Variants in ADAMTSL1 observed in about 807,000 individuals in gnomAD.
ADAMTSL1 encodes ADAMTS like 1, also known as ADAMTS-like protein 1.
In ADAMTSL1, 126 loss-of-function variants were observed where a neutral mutation model predicts 201.8. The ratio of observed to expected loss-of-function variants is 0.62; its 90% CI spans 0.54 to 0.72. ADAMTSL1 has a LOEUF of 0.72. Ranked by LOEUF, ADAMTSL1 falls within the 30% of genes least tolerant of loss-of-function variation. The pLI, the probability that ADAMTSL1 is intolerant of heterozygous loss-of-function variation, is 0.00. For synonymous variants in ADAMTSL1, 1,121 were observed against 903.4 expected, an observed-to-expected ratio of 1.24 and a Z score of -4.32; for missense variants, 2,679 against 2,277.8, an observed-to-expected ratio of 1.18 and a Z score of -3.59.
At chr9:18,273,324 G>T (rs564191211) in intron 2 of ADAMTSL1, among the ~76,000 whole-genome samples, 1 of 93,742 alleles carries the variant, frequency 1.1e-5, no homozygotes, top group Non-Finnish European at 2.7e-5. Flanking sequence ...CAAGTGATCC[G>T]CCCGCGTTGG....
chr9:18,729,626 G>T (rs1818095506), intron 15 of ADAMTSL1, among the ~76,000 whole-genome samples: 1 of 152,136 alleles, frequency 6.6e-6, no homozygotes, highest in Middle Eastern at 3.2e-3. Flanking sequence ...TCTTCCTTCA[G>T]TCTCCACTGA....
At chr9:18,564,372 G>C (rs746747703) in intron 3 of ADAMTSL1, among the ~76,000 whole-genome samples, 2 of 152,166 alleles carry the variant, frequency 1.3e-5, no homozygotes, top group South Asian at 4.2e-4. Context: ...TGAGATGACC[G>C]GGGTACCTCA....
chr9:18,729,881 A>T (rs1321365881), intron 15 of ADAMTSL1, among the ~76,000 whole-genome samples: 2 of 152,214 alleles, frequency 1.3e-5, no homozygotes, highest in Non-Finnish European at 2.9e-5. Flanking sequence ...TATCAACCTC[A>T]TTGTTCATAA....
chr9:18,492,288 A>T (rs1301416463), intron 1 of ADAMTSL1, among the ~76,000 whole-genome samples: 1 of 152,230 alleles, frequency 6.6e-6, no homozygotes, highest in African/African-American at 2.4e-5. Flanking sequence ...ACTGAAAAAC[A>T]TCAAATAAAG....
intron 8 of ADAMTSL1, among the ~76,000 whole-genome samples, chr9:18,658,606 A>G (rs140721887): frequency 1.0e-3 from 156 of 152,332 alleles, no homozygotes; most frequent in Non-Finnish European, 2.1e-3. Flanking sequence ...AAAAGTCACA[A>G]AATAAACTCC....
chr9:18,691,209 C>T (rs1450590580), intron 13 of ADAMTSL1, among the ~76,000 whole-genome samples: 3 of 152,138 alleles, frequency 2.0e-5, no homozygotes, highest in Non-Finnish European at 4.4e-5. Flanking sequence ...TAGCATATAT[C>T]AGAATTGCAT....
At chr9:18,657,283 T>C (rs1223773715) in intron 7 of ADAMTSL1, among the ~76,000 whole-genome samples, 1 of 152,252 alleles carries the variant, frequency 6.6e-6, no homozygotes, top group Non-Finnish European at 1.5e-5. Context: ...TATTTCTGAA[T>C]CTACATTTTA....
intron 10 of ADAMTSL1, among the ~76,000 whole-genome samples, chr9:18,678,148 T>C (rs368837754): frequency 2.2e-4 from 34 of 152,226 alleles, no homozygotes; most frequent in Admixed American, 2.0e-3. Flanking sequence ...AATTAATCTA[T>C]GCCACTCTTG....
chr9:18,018,585 T>G (rs753244254), intron 1 of ADAMTSL1, among the ~76,000 whole-genome samples: 5 of 152,006 alleles, frequency 3.3e-5, no homozygotes, highest in Non-Finnish European at 5.9e-5. Flanking sequence ...AACTGCAACT[T>G]AGAGATGCCC....
At chr9:18,828,670 A>ATATATATATATT (rs1824762888) in intron 22 of ADAMTSL1, among the ~76,000 whole-genome samples, 1 of 81,440 alleles carries the variant, frequency 1.2e-5, no homozygotes, top group Non-Finnish European at 2.3e-5. Flanking sequence ...TTATATATAT[A>ATATATATATATT]TATATATATA....
At chr9:18,121,011 T>A (rs1051484311) in intron 1 of ADAMTSL1, among the ~76,000 whole-genome samples, 4 of 152,182 alleles carry the variant, frequency 2.6e-5, no homozygotes, top group South Asian at 4.1e-4. Context: ...TTATTTATTT[T>A]TTTTCCCCTT....
intron 23 of ADAMTSL1, among the ~76,000 whole-genome samples, chr9:18,887,018 A>G (rs1828941551): frequency 1.3e-5 from 2 of 152,272 alleles, no homozygotes; most frequent in African/African-American, 4.8e-5. Flanking sequence ...AGGGGGAAAA[A>G]AATCTATAGA....
At chr9:18,534,383 A>G (rs565861452) in intron 3 of ADAMTSL1, among the ~76,000 whole-genome samples, 16 of 152,152 alleles carry the variant, frequency 1.1e-4, no homozygotes, top group East Asian at 1.9e-4. Context: ...GAAGAAGAAG[A>G]AGGAGGAGAA....
At chr9:18,696,419 G>A (rs1014927473) in intron 13 of ADAMTSL1, among the ~76,000 whole-genome samples, 7 of 152,158 alleles carry the variant, frequency 4.6e-5, no homozygotes, top group Admixed American at 2.0e-4. Flanking sequence ...GATGAAGATG[G>A]AAAATGCCGT....
chr9:18,888,886 T>TCAGA (rs1829065085), intron 24 of ADAMTSL1, among the ~76,000 whole-genome samples: 1 of 152,232 alleles, frequency 6.6e-6, no homozygotes, highest in African/African-American at 2.4e-5. Context: ...ACAAATGTTT[T>TCAGA]CAGACAAGAA....
chr9:18,085,605 C>CACTG (rs771198489), intron 1 of ADAMTSL1, among the ~76,000 whole-genome samples: 2 of 142,676 alleles, frequency 1.4e-5, no homozygotes, highest in Non-Finnish European at 3.1e-5. Flanking sequence ...CGTATATACA[C>CACTG]TGTGTGTGTA....
chr9:18,034,109 A>C (rs1380853155), intron 1 of ADAMTSL1, among the ~76,000 whole-genome samples: 2 of 152,068 alleles, frequency 1.3e-5, no homozygotes, highest in Non-Finnish European at 2.9e-5. Context: ...CTCATTTTCT[A>C]CAAGCATACT....
chr9:18,117,495 C>T (rs560421417), intron 1 of ADAMTSL1, among the ~76,000 whole-genome samples: 2 of 152,222 alleles, frequency 1.3e-5, no homozygotes, highest in South Asian at 2.1e-4. Context: ...AAGACAAATT[C>T]CTTCAGCCTC....
intron 23 of ADAMTSL1, among the ~76,000 whole-genome samples, chr9:18,879,098 C>T (rs1828361850): frequency 6.6e-6 from 1 of 152,194 alleles, no homozygotes; most frequent in African/African-American, 2.4e-5. Flanking sequence ...CACTATATGT[C>T]AACCCAAGCA....
Sources: allele counts gnomAD v4.1 joint callset (sites outside exome capture counted in the v4.1 genomes callset), GRCh38; gene constraint gnomAD v4.1.1; transcripts MANE v1.5; gene names NCBI Gene and HGNC (gene_info 2026-07-23, HGNC 2026-07-21).